PARD3: variants seen among roughly 807,000 people sequenced by gnomAD.
The protein encoded by PARD3 is partitioning defective 3 homolog.
In PARD3, 75 loss-of-function variants were observed where a neutral mutation model predicts 155.4. The ratio of observed to expected loss-of-function variants is 0.48; its 90% CI spans 0.40 to 0.58. PARD3 has a LOEUF of 0.58. PARD3 is among the 20% of genes least tolerant of loss of function. The pLI, the probability that PARD3 is intolerant of heterozygous loss-of-function variation, is 0.00. For synonymous variants in PARD3, 576 were observed against 610.5 expected (o/e 0.94, Z 0.83); for missense variants, 1,642 against 1,721.7 (o/e 0.95, Z 0.82).
intron 22 of PARD3, among the ~76,000 whole-genome samples, chr10:34,197,855 G>C (rs147929994): frequency 6.6e-6 from 1 of 152,120 alleles, no homozygotes; most frequent in South Asian, 2.1e-4. Context: ...CCAGCCTCCC[G>C]AGCAGCGGGG....
At chr10:34,668,238 A>C (rs1001909397) in intron 2 of PARD3, among the ~76,000 whole-genome samples, 4 of 152,226 alleles carry the variant, frequency 2.6e-5, no homozygotes, top group South Asian at 4.1e-4. Context: ...TGACCTTATC[A>C]AAAAAGCTCA....
chr10:34,355,828 G>C (rs543616573), intron 14 of PARD3, among the ~76,000 whole-genome samples: 2 of 149,716 alleles, frequency 1.3e-5, no homozygotes, highest in South Asian at 2.2e-4. Flanking sequence ...ACGAGGCTGA[G>C]GCTGGAGAAT....
At chr10:34,741,335 C>T (rs2095013996) in intron 1 of PARD3, among the ~76,000 whole-genome samples, 1 of 151,790 alleles carries the variant, frequency 6.6e-6, no homozygotes, top group Non-Finnish European at 1.5e-5. Flanking sequence ...GGGCATGCAC[C>T]ACCACATCTG....
At chr10:34,546,333 T>A (rs7907971) in intron 2 of PARD3, among the ~76,000 whole-genome samples, 2 of 151,978 alleles carry the variant, frequency 1.3e-5, no homozygotes, top group Middle Eastern at 3.4e-3. Context: ...CTGTCCAACA[T>A]AGTGAAACCC....
At chr10:34,680,713 T>C (rs945191911) in intron 2 of PARD3, among the ~76,000 whole-genome samples, 1 of 150,988 alleles carries the variant, frequency 6.6e-6, no homozygotes, top group Non-Finnish European at 1.5e-5. Flanking sequence ...AAATCATCAT[T>C]CTCAGTAAAC....
intron 1 of PARD3, among the ~76,000 whole-genome samples, chr10:34,779,147 C>T (rs1405308751): frequency 2.0e-5 from 3 of 151,658 alleles, no homozygotes; most frequent in Non-Finnish European, 4.4e-5. Flanking sequence ...CCTGTCTCTA[C>T]TAAAAATACA....
chr10:34,175,766 A>G (rs1950004463), intron 22 of PARD3, among the ~76,000 whole-genome samples: 1 of 152,226 alleles, frequency 6.6e-6, no homozygotes, highest in Non-Finnish European at 1.5e-5. Context: ...GTTTAAAACA[A>G]TCAGTTTTAT....
intron 4 of PARD3, among the ~76,000 whole-genome samples, chr10:34,452,722 T>G (rs2077125417): frequency 6.6e-6 from 1 of 152,180 alleles, no homozygotes; most frequent in Non-Finnish European, 1.5e-5. Flanking sequence ...CCCTGACAAC[T>G]TTTAAGCACA....
chr10:34,238,033 CTTAAT>C (rs926079782), intron 22 of PARD3, among the ~76,000 whole-genome samples: 1 of 152,066 alleles, frequency 6.6e-6, no homozygotes, highest in African/African-American at 2.4e-5. Flanking sequence ...AACAAAGGCA[CTTAAT>C]TTAATAATGA....
At chr10:34,401,657 C>T (rs1188770059) in intron 6 of PARD3, among the ~76,000 whole-genome samples, 169 bp downstream of exon 6, 1 of 152,132 alleles carries the variant, frequency 6.6e-6, no homozygotes, top group Non-Finnish European at 1.5e-5. Context: ...GCTTACATTA[C>T]ATAATTAACT....
chr10:34,352,402 G>C (rs572984389), intron 14 of PARD3, among the ~76,000 whole-genome samples: 1 of 152,164 alleles, frequency 6.6e-6, no homozygotes, highest in Non-Finnish European at 1.5e-5. Flanking sequence ...CCGAGCCGAG[G>C]CTGGACTGTA....
intron 2 of PARD3, among the ~76,000 whole-genome samples, chr10:34,607,394 C>G (rs2090551931): frequency 6.6e-6 from 1 of 152,050 alleles, no homozygotes; most frequent in African/African-American, 2.4e-5. Flanking sequence ...GGATTTTGTG[C>G]CAACAATAGG....
Position 34,140,687 on chromosome 10 carries a change from T to C in PARD3, c.3420-9104A>G, listed in dbSNP as rs979216890. On this transcript the variant is annotated intron_variant, in intron 22 of 24. Transcript: ENST00000374788. ...AAACTACAAATAAAAATAGCTCCTC[T>C]GCGCAAGCTTCATTAAGTTTTATCA... Among the ~76,000 whole-genome samples the C allele has an allele frequency of 2.0e-5, 3 of 152,334 alleles. No individual in the cohort carries two copies. The East Asian group carries it at 5.8e-4, about 29-fold the overall frequency.
intron 2 of PARD3, among the ~76,000 whole-genome samples, chr10:34,665,361 A>C (rs904256332): frequency 1.3e-5 from 2 of 149,546 alleles, no homozygotes; most frequent in African/African-American, 5.0e-5. Flanking sequence ...AAAAAAACAA[A>C]CAAAAAAAAA....
intron 19 of PARD3, 51 bp from the exon 20 acceptor site, chr10:34,317,389 A>C (rs571066352): frequency 6.5e-7 from 1 of 1,546,678 alleles, no homozygotes; most frequent in South Asian, 1.2e-5. Flanking sequence ...ACGCAACAAA[A>C]ATAATAAAGC....
intron 1 of PARD3, 36 bp downstream of exon 1, chr10:34,814,839 CG>C: frequency 1.7e-5 from 19 of 1,103,192 alleles, no homozygotes; most frequent in Non-Finnish European, 2.3e-5. Flanking sequence ...CCGTCCCCGC[CG>C]CCGCCCCCTC....
Position 34,600,530 on chromosome 10 carries a change from T to A in PARD3, c.223-83371A>T, listed in dbSNP as rs566299003. On this transcript the variant is annotated intron_variant, in intron 2 of 24. Transcript: ENST00000374788. The stretch of plus-strand genomic sequence containing the variant: ...ATGTGTCCACCAGAATATCTGTACA[T>A]GAATATTGAAAGGGACATGTTCAGA... Among the ~76,000 whole-genome samples, 5 of 151,890 alleles carry A rather than the reference T, an allele frequency of 3.3e-5. No individual in the cohort carries two copies. The South Asian group carries it at 1.0e-3, about 32-fold the overall frequency.
At chr10:34,668,830 AT>A (rs146182419) in intron 2 of PARD3, among the ~76,000 whole-genome samples, 2,508 of 148,214 alleles carry the variant, frequency 0.017, 60 homozygotes, top group African/African-American at 0.056. Context: ...TAAAAGTTTG[AT>A]TTTTTTTTTT....
chr10:34,494,034 C>T (rs1312137805), intron 3 of PARD3, among the ~76,000 whole-genome samples: 1 of 152,140 alleles, frequency 6.6e-6, no homozygotes, highest in South Asian at 2.1e-4. Flanking sequence ...CAGGTTTCTG[C>T]GGTTTTCAGA....
Sources: gnomAD v4.1 joint callset for allele counts (sites outside exome capture counted in the v4.1 genomes callset) on GRCh38, gnomAD v4.1.1 for gene constraint, MANE v1.5 for transcripts, NCBI Gene and HGNC (gene_info 2026-07-23, HGNC 2026-07-21) for gene names.